The following RBFOX1 variants were observed in gnomAD, a reference collection of about 807,000 sequenced individuals.
RBFOX1 encodes the protein RNA binding protein fox-1 homolog 1.
A neutral mutation model predicts 57.7 loss-of-function variants in RBFOX1; 8 were observed. The observed-to-expected ratio is 0.14, with a 90% confidence interval of 0.08 to 0.25. The LOEUF (loss-of-function observed/expected upper bound fraction) is 0.25. Ranked by LOEUF, RBFOX1 falls within the 10% of genes least tolerant of loss-of-function variation. The pLI is 1.00. For missense variants in RBFOX1, 611 were observed against 548.5 expected (o/e 1.11, Z -1.14); for synonymous variants, 326 against 222.4 (o/e 1.47, Z -4.15).
chr16:5,358,327 T>C (rs2065450674), intron 1 of RBFOX1, among the ~76,000 whole-genome samples: 1 of 151,700 alleles, frequency 6.6e-6, no homozygotes, highest in Non-Finnish European at 1.5e-5. Context: ...GTAATCTTTT[T>C]ATGCCTGCAT....
chr16:6,853,031 A>G (rs1175991777), intron 3 of RBFOX1, among the ~76,000 whole-genome samples: 2 of 152,204 alleles, frequency 1.3e-5, no homozygotes, highest in African/African-American at 4.8e-5. Flanking sequence ...AGCTGGTCCC[A>G]GCTGGCTTAT....
intron 3 of RBFOX1, among the ~76,000 whole-genome samples, chr16:5,783,152 G>T (rs1248110861): frequency 2.2e-5 from 3 of 139,036 alleles, no homozygotes; most frequent in African/African-American, 7.7e-5. Context: ...ATTGTGATAC[G>T]ATTTACATGC....
intron 1 of RBFOX1, among the ~76,000 whole-genome samples, chr16:5,282,218 C>G (rs1019940169): frequency 6.6e-6 from 1 of 152,216 alleles, no homozygotes; most frequent in African/African-American, 2.4e-5. Context: ...CTCTCCTTGA[C>G]TTCCGCAATG....
chr16:6,264,375 G>A (rs2097720385), intron 1 of RBFOX1, among the ~76,000 whole-genome samples: 1 of 152,176 alleles, frequency 6.6e-6, no homozygotes, highest in South Asian at 2.1e-4. Flanking sequence ...AGTCATCAAA[G>A]TGGCTGTTGC....
chr16:6,024,138 T>G (rs1327656508), intron 1 of RBFOX1, among the ~76,000 whole-genome samples: 6 of 152,172 alleles, frequency 3.9e-5, no homozygotes, highest in Admixed American at 6.5e-5. Flanking sequence ...CAAAGAGACA[T>G]GGGTGACTGT....
intron 4 of RBFOX1, among the ~76,000 whole-genome samples, chr16:7,465,538 G>A (rs779915613): frequency 2.6e-5 from 4 of 152,218 alleles, no homozygotes; most frequent in Non-Finnish European, 4.4e-5. Flanking sequence ...AGCACTGCCT[G>A]CCAGGCTATT....
chr16:7,639,927 C>T (rs577329325), intron 11 of RBFOX1, among the ~76,000 whole-genome samples: 1 of 152,248 alleles, frequency 6.6e-6, no homozygotes, highest in Non-Finnish European at 1.5e-5. Context: ...TATCCAGCTA[C>T]CCCCCACCCA....
At chr16:6,229,616 G>C (rs973615263) in intron 1 of RBFOX1, among the ~76,000 whole-genome samples, 1 of 151,624 alleles carries the variant, frequency 6.6e-6, no homozygotes, top group East Asian at 1.9e-4. Context: ...TGACTGAAGA[G>C]GAACCAGGAA....
At chr16:5,292,708 C>G (rs2063564795) in intron 1 of RBFOX1, among the ~76,000 whole-genome samples, 1 of 152,066 alleles carries the variant, frequency 6.6e-6, no homozygotes, top group African/African-American at 2.4e-5. Flanking sequence ...ACTGCAACCT[C>G]TGCCTCACTG....
chr16:6,077,993 C>T (rs545115848), intron 1 of RBFOX1, among the ~76,000 whole-genome samples: 15 of 152,066 alleles, frequency 9.9e-5, no homozygotes, highest in Non-Finnish European at 2.2e-4. Flanking sequence ...ACTTTAATTC[C>T]CGGGTAGATG....
intron 11 of RBFOX1, among the ~76,000 whole-genome samples, chr16:7,650,833 C>T (rs1392337171): frequency 6.6e-6 from 1 of 152,150 alleles, no homozygotes; most frequent in Non-Finnish European, 1.5e-5. Context: ...TGTGGCAAGA[C>T]AGATTTGGAG....
chr16:5,942,478 T>C (rs1057166901), intron 4 of RBFOX1, among the ~76,000 whole-genome samples: 2 of 152,214 alleles, frequency 1.3e-5, no homozygotes, highest in Non-Finnish European at 2.9e-5. Context: ...GGTTCTACAA[T>C]AGTAATGTTG....
chr16:7,407,863 C>G (rs901786770), intron 4 of RBFOX1, among the ~76,000 whole-genome samples: 5 of 152,070 alleles, frequency 3.3e-5, no homozygotes, highest in African/African-American at 1.2e-4. Context: ...ATCTGGCCTG[C>G]GGACTATTTT....
chr16:7,115,116 C>T (rs755605186), intron 4 of RBFOX1, among the ~76,000 whole-genome samples: 12 of 152,250 alleles, frequency 7.9e-5, no homozygotes, highest in East Asian at 3.9e-4. Flanking sequence ...TAATATCCTT[C>T]GATTAAGTTT....
At chr16:6,685,622 T>C (rs1270677942) in intron 3 of RBFOX1, among the ~76,000 whole-genome samples, 1 of 151,996 alleles carries the variant, frequency 6.6e-6, no homozygotes, top group Non-Finnish European at 1.5e-5. Context: ...TTAAACCAAG[T>C]CCAGACATCA....
intron 2 of RBFOX1, among the ~76,000 whole-genome samples, chr16:6,589,301 T>C (rs1183103835): frequency 6.6e-6 from 1 of 152,202 alleles, no homozygotes; most frequent in Non-Finnish European, 1.5e-5. Context: ...AGAAAATATG[T>C]GTAATTCACC....
At chr16:6,176,928 C>A (rs560261962) in intron 1 of RBFOX1, among the ~76,000 whole-genome samples, 1 of 152,250 alleles carries the variant, frequency 6.6e-6, no homozygotes, top group Admixed American at 6.5e-5. Context: ...ACTGTGACAA[C>A]CCCAGTGCCT....
chr16:6,602,909 C>T (rs1176290345), intron 2 of RBFOX1, among the ~76,000 whole-genome samples: 1 of 152,144 alleles, frequency 6.6e-6, no homozygotes, highest in Non-Finnish European at 1.5e-5. Flanking sequence ...TTCCCAAATC[C>T]TGTCACTAAT....
At chr16:6,002,537 AG>A (rs946753890) in intron 4 of RBFOX1, among the ~76,000 whole-genome samples, 35 of 152,206 alleles carry the variant, frequency 2.3e-4, no homozygotes, top group African/African-American at 8.4e-4. Flanking sequence ...AGGTTGAAGT[AG>A]GTGGAGATAA....
Sources: gnomAD v4.1 joint callset for allele counts (sites outside exome capture counted in the v4.1 genomes callset) on GRCh38, gnomAD v4.1.1 for gene constraint, MANE v1.5 for transcripts, NCBI Gene and HGNC (gene_info 2026-07-23, HGNC 2026-07-21) for gene names.